The following PIGB variants were observed in gnomAD, a reference collection of about 807,000 sequenced individuals.
The protein encoded by PIGB is GPI alpha-1,2-mannosyltransferase 3.
PIGB carries 58 observed loss-of-function variants against 68.4 expected under a neutral mutation model. The observed-to-expected ratio is 0.85, with a 90% CI of 0.69 to 1.06. The LOEUF (loss-of-function observed/expected upper bound fraction) is 1.06, where lower values mean the gene tolerates loss of function less well. PIGB is among the 50% of genes least tolerant of loss of function. The pLI is 0.00. For missense variants in PIGB, 634 were observed against 655.8 expected, an observed-to-expected ratio of 0.97 and a Z score of 0.36; for synonymous variants, 219 against 220.5, an observed-to-expected ratio of 0.99 and a Z score of 0.06.
chr15:55,344,428 G>C (rs559549086), intron 9 of PIGB, among the ~76,000 whole-genome samples: 106 of 152,344 alleles, frequency 7.0e-4, no homozygotes, highest in African/African-American at 2.4e-3. Context: ...CAAGGGCTTG[G>C]AATTTGCATA....
intron 10 of PIGB, among the ~76,000 whole-genome samples, chr15:55,352,442 C>T (rs891479603): frequency 8.5e-5 from 13 of 152,174 alleles, no homozygotes; most frequent in Non-Finnish European, 8.8e-5. Context: ...GTATTAGTTA[C>T]TAATTACCCA....
intron 10 of PIGB, chr15:55,351,726 G>C (rs1472280853): frequency 2.0e-5 from 3 of 151,328 alleles, no homozygotes; most frequent in Admixed American, 2.0e-4. Context: ...CAAAGAATTA[G>C]CCGGGCGTGG....
intron 6 of PIGB, among the ~76,000 whole-genome samples, chr15:55,334,853 G>A (rs1000550248): frequency 1.3e-5 from 2 of 152,148 alleles, no homozygotes; most frequent in Non-Finnish European, 2.9e-5. Flanking sequence ...CCAAACAGCT[G>A]GGATTACAGG....
At chr15:55,332,096 T>C (rs1189068948) in intron 5 of PIGB, among the ~76,000 whole-genome samples, 1 of 151,932 alleles carries the variant, frequency 6.6e-6, no homozygotes, top group African/African-American at 2.4e-5. Context: ...TGCTTCAGCC[T>C]CCCGAGTAGC....
chr15:55,353,586 C>A (rs1173205723), intron 10 of PIGB, among the ~76,000 whole-genome samples: 1 of 152,008 alleles, frequency 6.6e-6, no homozygotes. Flanking sequence ...AGAAATGAAT[C>A]CATCTTTTTT....
chr15:55,354,976 G>A lies in PIGB; in HGVS notation c.1516G>A (p.Glu506Lys). 3.1e-6 allele frequency: 5 copies of A among 1,608,114 alleles called. No individual in the cohort carries two copies. Among genetic ancestry groups the A allele is most frequent in the South Asian group, 1.1e-5 (1 of 89,738 alleles). Reference sequence around the variant, plus strand: ...CTTGATCACCTTCAGCATTTTGGAAGAGGTAAGTAAACATGAAAAAGAGGA... The same window carrying A: ...CTTGATCACCTTCAGCATTTTGGAAAAGGTAAGTAAACATGAAAAAGAGGA... ...THLITFSILE[E>K]EISAFLISSN... Residue 506 changes from glutamate (E) to lysine (K), a missense_variant and splice_region_variant, in exon 11 of 12, where the codon GAG becomes AAG. Glu to Lys is a moderately conservative substitution (Grantham distance 56). Transcript: ENST00000164305.
chr15:55,350,460 T>G (rs1342413681), intron 9 of PIGB: 2 of 501,536 alleles, frequency 4.0e-6, no homozygotes, highest in East Asian at 3.3e-5. Context: ...TCTGGACCTG[T>G]TGGACTCCAT....
intron 5 of PIGB, among the ~76,000 whole-genome samples, chr15:55,331,606 G>A (rs540215125): frequency 1.4e-4 from 22 of 152,050 alleles, no homozygotes; most frequent in Non-Finnish European, 2.8e-4. Flanking sequence ...CCAGCTACTC[G>A]GGAGGATGAG....
At chr15:55,331,983 AT>A (rs980086546) in intron 5 of PIGB, among the ~76,000 whole-genome samples, 46 of 146,888 alleles carry the variant, frequency 3.1e-4, no homozygotes, top group African/African-American at 9.0e-4. Flanking sequence ...TTTTTATTTT[AT>A]TTTTTTTTTT....
chr15:55,351,755 C>G (rs1339416130), intron 10 of PIGB: 2 of 149,030 alleles, frequency 1.3e-5, no homozygotes, highest in Admixed American at 6.8e-5. Context: ...GCCTGTAGTT[C>G]CAGCTACTCG....
At chr15:55,330,673 C>T (rs1036804989) in intron 5 of PIGB, among the ~76,000 whole-genome samples, 4 of 152,068 alleles carry the variant, frequency 2.6e-5, no homozygotes, top group Admixed American at 6.6e-5. Flanking sequence ...CCATTTGAGG[C>T]GTTTGAGTAG....
chr15:55,350,263 A>G (rs1214620071), intron 9 of PIGB: 1 of 161,892 alleles, frequency 6.2e-6, no homozygotes, highest in Non-Finnish European at 1.4e-5. Flanking sequence ...ATTACACACT[A>G]AAATACCAAT....
At position 55,320,418 on chromosome 15, in the gene PIGB, T is replaced by C; in HGVS notation, c.299+8T>C. On this transcript the variant is annotated splice_region_variant and intron_variant, in intron 2 of 11. Coordinates refer to ENST00000164305, the MANE Select transcript of PIGB (RefSeq NM_004855.5). ...ACATCACATGGTTTTCAAATATCCT[T>C]TGTGGTTTCTTTTCCAGACTATGAG... 1 of 1,611,608 alleles carries C rather than the reference T, an allele frequency of 6.2e-7. No homozygotes were observed. Among genetic ancestry groups the C allele is most frequent in the Non-Finnish European group, 8.5e-7 (1 of 1,179,142 alleles).
intron 1 of PIGB, 190 bp from the exon 2 acceptor site, chr15:55,320,085 G>A (rs967943492): frequency 2.6e-5 from 11 of 429,504 alleles, no homozygotes; most frequent in Non-Finnish European, 4.1e-5. Context: ...AACTAAAAGA[G>A]TGGCAGTCAC....
In PIGB at chr15:55,340,726, G is replaced by T. The variant is rs372437794; in HGVS notation, c.961G>T (p.Gly321Cys). 6.2e-7 allele frequency: 1 copy of T among 1,611,142 alleles called. No individual in the cohort carries two copies. Among genetic ancestry groups the T allele is most frequent in the East Asian group, 2.2e-5 (1 of 44,824 alleles). The change falls in exon 8 of 12, where the codon GGT (glycine) becomes TGT (cysteine). Residue 321 changes from glycine to cysteine, a missense_variant. Gly to Cys is a radical substitution (Grantham distance 159, BLOSUM62 -3). Transcript: ENST00000164305. The part of the protein sequence containing the change: ...YFSQGFPVIL[G>C]THLPFFIHGC... Reference sequence around the variant, plus strand: ...CAGTCAAGGATTTCCAGTTATCTTGGGTACTCACTTACCCTTCTTTATTCA... The same window carrying T: ...CAGTCAAGGATTTCCAGTTATCTTGTGTACTCACTTACCCTTCTTTATTCA...
At chr15:55,326,908 G>A (rs2055301302) in intron 3 of PIGB, among the ~76,000 whole-genome samples, 1 of 151,898 alleles carries the variant, frequency 6.6e-6, no homozygotes, top group South Asian at 2.1e-4. Flanking sequence ...TAAAATTAGG[G>A]CCAGGCACAG....
chr15:55,353,447 TACTA>T (rs2055971681), intron 10 of PIGB, among the ~76,000 whole-genome samples: 2 of 152,356 alleles, frequency 1.3e-5, no homozygotes, highest in Non-Finnish European at 2.9e-5. Context: ...CCTGCATAAT[TACTA>T]ACTCCATTTC....
chr15:55,323,118 G>T (rs2055204113), intron 3 of PIGB, among the ~76,000 whole-genome samples: 1 of 152,158 alleles, frequency 6.6e-6, no homozygotes, highest in Non-Finnish European at 1.5e-5. Context: ...TGACCCTGTA[G>T]AGATTCATTA....
chr15:55,346,208 T>C (rs983762125), intron 9 of PIGB: 7 of 152,212 alleles, frequency 4.6e-5, no homozygotes, highest in African/African-American at 1.7e-4. Context: ...GATTAAGAGA[T>C]ATGGCTTTAT....
Sources: gnomAD v4.1 joint callset for allele counts (sites outside exome capture counted in the v4.1 genomes callset) on GRCh38, gnomAD v4.1.1 for gene constraint, MANE v1.5 for transcripts, NCBI Gene and HGNC (gene_info 2026-07-23, HGNC 2026-07-21) for gene names.